Variants in NCALD observed in about 807,000 individuals in gnomAD.
NCALD encodes neurocalcin-delta.
In NCALD, 10 loss-of-function variants were observed where a neutral mutation model predicts 18.6. That is an observed-to-expected ratio of 0.54 (90% CI 0.33 to 0.91). NCALD has a LOEUF of 0.91. Among genes scored for constraint, NCALD ranks in the 40% least tolerant of loss-of-function variants. The probability of loss-of-function intolerance (pLI) is 0.03; values close to 1 mark genes in which losing one functional copy is unlikely to be tolerated. For missense variants in NCALD, 184 were observed against 247.6 expected (o/e 0.74, Z 1.72); for synonymous variants, 88 against 87.4 (o/e 1.01, Z -0.04).
chr8:101,950,530 G>C (rs999872636), intron 2 of NCALD, among the ~76,000 whole-genome samples: 2 of 152,182 alleles, frequency 1.3e-5, no homozygotes, highest in Admixed American at 1.3e-4. Context: ...CCCTCCCTCT[G>C]CTGTGTGATT....
chr8:101,786,101 A>G (rs1401125862), intron 1 of NCALD: 1 of 152,214 alleles, frequency 6.6e-6, no homozygotes, highest in African/African-American at 2.4e-5. Context: ...TCTCTGGGCA[A>G]GTTCTCTACA....
At chr8:101,749,797 T>A (rs908716917) in intron 1 of NCALD, among the ~76,000 whole-genome samples, 4 of 152,166 alleles carry the variant, frequency 2.6e-5, no homozygotes, top group African/African-American at 9.7e-5. Context: ...GTCAAATATA[T>A]TCCCTCTATC....
intron 1 of NCALD, among the ~76,000 whole-genome samples, chr8:102,064,564 G>A (rs1166602607): frequency 6.6e-6 from 1 of 152,168 alleles, no homozygotes; most frequent in Non-Finnish European, 1.5e-5. Flanking sequence ...TCAGACACTT[G>A]TTGAGCCCCT....
chr8:101,777,031 C>G (rs554369144), intron 1 of NCALD, among the ~76,000 whole-genome samples: 4 of 152,080 alleles, frequency 2.6e-5, no homozygotes, highest in African/African-American at 7.2e-5. Context: ...CAGTCTCCCC[C>G]CAAAAGACAT....
intron 4 of NCALD, among the ~76,000 whole-genome samples, chr8:101,796,104 C>T (rs1455902655): frequency 2.6e-5 from 4 of 152,022 alleles, no homozygotes; most frequent in African/African-American, 9.7e-5. Flanking sequence ...AAGGCTAAGT[C>T]CTAGAAGAAA....
At chr8:101,980,154 TCAGA>T (rs1820564447) in intron 2 of NCALD, among the ~76,000 whole-genome samples, 1 of 152,128 alleles carries the variant, frequency 6.6e-6, no homozygotes, top group South Asian at 2.1e-4. Context: ...CCTACAGCAC[TCAGA>T]CAATGGCCTT....
chr8:102,051,166 T>C (rs1823444958), intron 1 of NCALD, among the ~76,000 whole-genome samples: 1 of 152,128 alleles, frequency 6.6e-6, no homozygotes, highest in Non-Finnish European at 1.5e-5. Context: ...TTGACCTGCT[T>C]GTAAATTTTA....
At chr8:101,931,427 C>G (rs1314724866) in intron 2 of NCALD, among the ~76,000 whole-genome samples, 1 of 152,136 alleles carries the variant, frequency 6.6e-6, no homozygotes, top group Non-Finnish European at 1.5e-5. Context: ...GCCACAAATT[C>G]TACCAAGGCA....
intron 4 of NCALD, among the ~76,000 whole-genome samples, chr8:101,863,563 A>G (rs982234434): frequency 1.3e-5 from 2 of 152,150 alleles, no homozygotes; most frequent in Admixed American, 1.3e-4. Context: ...TATTCTTAAA[A>G]TAACAGGGGA....
chr8:101,834,034 A>C (rs895649351), intron 4 of NCALD, among the ~76,000 whole-genome samples: 6 of 152,204 alleles, frequency 3.9e-5, no homozygotes, highest in Non-Finnish European at 8.8e-5. Context: ...AGGGAAAGTT[A>C]AGTCCATTCT....
intron 3 of NCALD, among the ~76,000 whole-genome samples, chr8:101,896,759 G>GA (rs1817195474): frequency 7.6e-6 from 1 of 131,198 alleles, no homozygotes. Context: ...AAAAACACAT[G>GA]AAAAAATGCT....
intron 4 of NCALD, among the ~76,000 whole-genome samples, chr8:101,880,183 C>A (rs975753996): frequency 1.2e-4 from 18 of 152,176 alleles, no homozygotes; most frequent in African/African-American, 4.1e-4. Context: ...TCGAGAGCAG[C>A]GCTGGTGGGC....
intron 2 of NCALD, among the ~76,000 whole-genome samples, chr8:101,949,762 C>T (rs371462898): frequency 1.3e-4 from 16 of 126,334 alleles, no homozygotes; most frequent in African/African-American, 4.8e-4. Context: ...GATCCTTATG[C>T]CCCAGGTTGA....
chr8:102,102,336 G>T (rs670976), intron 1 of NCALD, among the ~76,000 whole-genome samples: 43,303 of 151,892 alleles, frequency 0.29, 7,167 homozygotes, highest in East Asian at 0.43. Context: ...AGCAATTAGC[G>T]CAGAGACGGA....
At chr8:102,084,825 T>C (rs1563604309) in intron 1 of NCALD, among the ~76,000 whole-genome samples, 1 of 152,214 alleles carries the variant, frequency 6.6e-6, no homozygotes, top group African/African-American at 2.4e-5. Flanking sequence ...CTTTCCCTGG[T>C]GCTGCCTGCA....
chr8:101,859,482 CCTGA>C lies in NCALD; in HGVS notation c.-20+27655_-20+27658del, dbSNP rs767872029. 3.3e-5 allele frequency among the ~76,000 whole-genome samples: 5 copies of C among 152,150 alleles called. No individual in the cohort carries two copies. The East Asian group carries it at 7.7e-4, about 23-fold the overall frequency. ...TTTTAGTTCTGTCCCTCTAGAGAAC[CCTGA>C]CTAATACAATGATCATTAATAGCCT... On this transcript the variant is annotated intron_variant, in intron 4 of 6. Coordinates refer to the NCALD transcript ENST00000311028.
At chr8:101,985,282 A>T (rs1182535675) in intron 2 of NCALD, among the ~76,000 whole-genome samples, 2 of 151,280 alleles carry the variant, frequency 1.3e-5, no homozygotes, top group East Asian at 1.9e-4. Flanking sequence ...TTGAAGGTGG[A>T]CCCCCCAGCC....
chr8:101,760,800 A>T (rs1392712740), intron 1 of NCALD, among the ~76,000 whole-genome samples: 2 of 152,162 alleles, frequency 1.3e-5, no homozygotes, highest in East Asian at 3.9e-4. Flanking sequence ...GAATATAATA[A>T]CAGCACCCCT....
At chr8:101,932,128 G>T (rs1224079210) in intron 2 of NCALD, among the ~76,000 whole-genome samples, 4 of 152,156 alleles carry the variant, frequency 2.6e-5, no homozygotes, top group Non-Finnish European at 4.4e-5. Context: ...GTGAGTGCAG[G>T]CTTCTCTAGG....
Sources: allele counts gnomAD v4.1 joint callset (sites outside exome capture counted in the v4.1 genomes callset), GRCh38; gene constraint gnomAD v4.1.1; transcripts MANE v1.5; gene names NCBI Gene and HGNC (gene_info 2026-07-23, HGNC 2026-07-21).